Variants in NKAIN3 observed in about 807,000 individuals in gnomAD.
NKAIN3 encodes sodium/potassium transporting ATPase interacting 3.
Under a neutral mutation model 30.2 loss-of-function variants are expected in NKAIN3, and 25 were observed. The observed-to-expected ratio is 0.83, with a 90% CI of 0.60 to 1.16. The LOEUF is 1.16. Among genes scored for constraint, NKAIN3 ranks in the 50% most tolerant of loss-of-function variants. The pLI is 0.00. For synonymous variants in NKAIN3, 91 were observed against 89.6 expected (o/e 1.02, Z -0.09); for missense variants, 225 against 254.1 (o/e 0.89, Z 0.78).
chr8:62,996,670 T>C (rs916233412), intron 5 of NKAIN3, among the ~76,000 whole-genome samples: 3 of 151,980 alleles, frequency 2.0e-5, no homozygotes, highest in African/African-American at 7.2e-5. Context: ...CAAGATACAA[T>C]GGGGGGTACA....
chr8:62,470,222 C>T (rs544800125), intron 1 of NKAIN3, among the ~76,000 whole-genome samples: 2 of 152,066 alleles, frequency 1.3e-5, no homozygotes, highest in Admixed American at 6.6e-5. Flanking sequence ...AATTTACTGT[C>T]GTCTATAGAT....
At chr8:62,252,898 T>C (rs1234243002) in intron 1 of NKAIN3, among the ~76,000 whole-genome samples, 2 of 152,218 alleles carry the variant, frequency 1.3e-5, no homozygotes, top group African/African-American at 2.4e-5. Flanking sequence ...TAAACCTTAA[T>C]TGCATGGTTT....
At chr8:62,758,958 A>C (rs1182409807) in intron 4 of NKAIN3, among the ~76,000 whole-genome samples, 1 of 152,202 alleles carries the variant, frequency 6.6e-6, no homozygotes, top group Non-Finnish European at 1.5e-5. Context: ...GGGATTCTTC[A>C]CTTAATATAT....
At chr8:62,320,897 A>C (rs1470194034) in intron 1 of NKAIN3, among the ~76,000 whole-genome samples, 1 of 152,082 alleles carries the variant, frequency 6.6e-6, no homozygotes, top group Admixed American at 6.5e-5. Context: ...TAGATTGGGG[A>C]AGTTCTCCTG....
intron 1 of NKAIN3, among the ~76,000 whole-genome samples, chr8:62,263,809 G>A (rs186782750): frequency 1.3e-5 from 2 of 152,262 alleles, no homozygotes; most frequent in African/African-American, 2.4e-5. Flanking sequence ...TTCCATTCAA[G>A]TATAGAGGAA....
chr8:62,699,636 G>A (rs139541897), intron 3 of NKAIN3, among the ~76,000 whole-genome samples: 2 of 152,292 alleles, frequency 1.3e-5, no homozygotes, highest in African/African-American at 4.8e-5. Context: ...GTTTATTCAT[G>A]CTTGTCCTAT....
chr8:62,262,422 A>T (rs1384005264), intron 1 of NKAIN3, among the ~76,000 whole-genome samples: 1 of 152,134 alleles, frequency 6.6e-6, no homozygotes, highest in Non-Finnish European at 1.5e-5. Context: ...TGCTAATACC[A>T]CTGGGACCTA....
At chr8:62,706,528 T>G (rs1814526816) in intron 3 of NKAIN3, among the ~76,000 whole-genome samples, 1 of 152,026 alleles carries the variant, frequency 6.6e-6, no homozygotes, top group Non-Finnish European at 1.5e-5. Context: ...CGTTTATAGT[T>G]TCCGAAACTG....
chr8:62,248,864 C>A lies in NKAIN3; in HGVS notation c.-210C>A, dbSNP rs1249986778. On this transcript the variant is annotated 5_prime_UTR_variant, in exon 1 of 7. Coordinates refer to ENST00000623646, the MANE Select transcript of NKAIN3 (RefSeq NM_001304533.3). ...GACGCAGGGACCCCCGCCAGACGCTCGGGTCGTGCGCACCGCACTGACCTC... is the reference window on the plus strand; with the variant it reads ...GACGCAGGGACCCCCGCCAGACGCTAGGGTCGTGCGCACCGCACTGACCTC... 1 of 522,918 alleles carries A rather than the reference C, an allele frequency of 1.9e-6. No homozygotes were observed. Among genetic ancestry groups the A allele is most frequent in the Non-Finnish European group, 3.3e-6 (1 of 301,292 alleles). The allele number at this position is 522,918 out of a possible 1,614,324, so 32.4% of individuals were successfully genotyped here.
intron 4 of NKAIN3, chr8:62,863,039 A>G: frequency 2.7e-6 from 2 of 753,836 alleles, no homozygotes; most frequent in Non-Finnish European, 2.2e-6. Flanking sequence ...GGATGTGACT[A>G]TGGAGACTCT....
At chr8:62,278,274 C>G (rs1167006984) in intron 1 of NKAIN3, among the ~76,000 whole-genome samples, 3 of 152,100 alleles carry the variant, frequency 2.0e-5, no homozygotes, top group Non-Finnish European at 4.4e-5. Context: ...AGTAAGTCAT[C>G]ATACCCTAGA....
At chr8:62,398,068 G>A (rs768978457) in intron 1 of NKAIN3, among the ~76,000 whole-genome samples, 4 of 152,106 alleles carry the variant, frequency 2.6e-5, no homozygotes, top group Non-Finnish European at 5.9e-5. Flanking sequence ...CACGAAGCTG[G>A]CAAGAAGCCC....
chr8:62,751,312 A>T (rs1363295271), intron 4 of NKAIN3, among the ~76,000 whole-genome samples: 1 of 152,198 alleles, frequency 6.6e-6, no homozygotes, highest in East Asian at 1.9e-4. Context: ...TAATTTTGTT[A>T]AGTAGTTAAT....
At chr8:62,834,822 G>GA (rs1461646741) in intron 4 of NKAIN3, among the ~76,000 whole-genome samples, 1 of 151,942 alleles carries the variant, frequency 6.6e-6, no homozygotes, top group Non-Finnish European at 1.5e-5. Flanking sequence ...CACAGAACCA[G>GA]AAAAAACTAC....
intron 1 of NKAIN3, among the ~76,000 whole-genome samples, chr8:62,398,554 T>G (rs895915644): frequency 6.6e-6 from 1 of 152,308 alleles, no homozygotes; most frequent in East Asian, 1.9e-4. Flanking sequence ...AAGTACATGG[T>G]AGTAATTTAA....
rs532987565 is a variant in NKAIN3, at chr8:62,426,782, C to T, written c.55-152757C>T. Among the ~76,000 whole-genome samples, 60 of 151,640 alleles carry T rather than the reference C, an allele frequency of 4.0e-4. 1 individual carries two copies. The East Asian group carries it at 9.5e-3, about 24-fold the overall frequency. ...TCTGACTTTAGTTTTCCTTTTTTTT[C>T]CCCCAGTTCGTTTGTTGAGTTGTTT... On this transcript the variant is annotated intron_variant, in intron 1 of 6. Coordinates refer to ENST00000623646, the MANE Select transcript of NKAIN3 (RefSeq NM_001304533.3).
intron 1 of NKAIN3, among the ~76,000 whole-genome samples, chr8:62,361,338 G>A (rs949259041): frequency 2.0e-5 from 3 of 152,194 alleles, no homozygotes; most frequent in African/African-American, 7.2e-5. Context: ...TATTTGAAGT[G>A]CTACCAAATT....
chr8:62,797,542 C>T (rs1320629581), intron 4 of NKAIN3, among the ~76,000 whole-genome samples: 4 of 152,244 alleles, frequency 2.6e-5, no homozygotes, highest in Non-Finnish European at 4.4e-5. Flanking sequence ...TCCCTCAGCT[C>T]GCAGGGCCTT....
rs371182658 is a variant in NKAIN3 at position 62,728,639 on chromosome 8, T to A, written c.274-18293T>A. On this transcript the variant is annotated intron_variant, in intron 3 of 6. Coordinates refer to ENST00000623646, the MANE Select transcript of NKAIN3 (RefSeq NM_001304533.3). The stretch of plus-strand genomic sequence containing the variant: ...GAGATCGCGCCATTGCACTCCAGCC[T>A]GGGCGACAAGAACGAAACTTCGTCT... Among the ~76,000 whole-genome samples the A allele has an allele frequency of 3.3e-3, 496 of 151,060 alleles. 5 individuals carry two copies. The highest frequency in any genetic ancestry group is 0.011 in the African/African-American group (458 of 41,124).
Sources: allele counts gnomAD v4.1 joint callset (sites outside exome capture counted in the v4.1 genomes callset), GRCh38; gene constraint gnomAD v4.1.1; transcripts MANE v1.5; gene names NCBI Gene and HGNC (gene_info 2026-07-23, HGNC 2026-07-21).